The following HHAT variants were observed in gnomAD, a reference collection of about 807,000 sequenced individuals.
HHAT encodes the protein protein-cysteine N-palmitoyltransferase HHAT.
Under a neutral mutation model 70.8 loss-of-function variants are expected in HHAT, and 47 were observed. The ratio of observed to expected loss-of-function variants is 0.66; its 90% CI spans 0.53 to 0.85. The LOEUF (loss-of-function observed/expected upper bound fraction) is 0.85, where lower values mean the gene tolerates loss of function less well. HHAT is among the 40% of genes least tolerant of loss of function. The pLI is 0.00. For missense variants in HHAT, 609 were observed against 604.8 expected, an observed-to-expected ratio of 1.01 and a Z score of -0.07; for synonymous variants, 228 against 247.6, an observed-to-expected ratio of 0.92 and a Z score of 0.74.
At chr1:210,367,329 G>A (rs1571918106) in intron 3 of HHAT, among the ~76,000 whole-genome samples, 1 of 152,174 alleles carries the variant, frequency 6.6e-6, no homozygotes, top group South Asian at 2.1e-4. Flanking sequence ...TTTAACTGCA[G>A]GAAAGAGTGA....
intron 9 of HHAT, among the ~76,000 whole-genome samples, chr1:210,581,764 C>T (rs188340598): frequency 1.1e-4 from 16 of 152,308 alleles, no homozygotes; most frequent in African/African-American, 3.9e-4. Context: ...TGGTACAGGA[C>T]CTTATAATCA....
chr1:210,384,773 T>G (rs1371292003), intron 3 of HHAT, among the ~76,000 whole-genome samples: 1 of 152,232 alleles, frequency 6.6e-6, no homozygotes, highest in Non-Finnish European at 1.5e-5. Context: ...TTGTTCCTGA[T>G]TTCAGGCTTT....
Position 210,343,420 on chromosome 1 carries a change from A to G in HHAT, c.-43-5513A>G, listed in dbSNP as rs2086210218. Among the ~76,000 whole-genome samples, 6 of 152,224 alleles carry G rather than the reference A, an allele frequency of 3.9e-5. No individual in the cohort carries two copies. The South Asian group carries it at 1.2e-3, about 32-fold the overall frequency. On this transcript the variant is annotated intron_variant, in intron 1 of 11. Transcript: ENST00000261458. ...CCTAATGACTGTCTCAAGTAGTAAC[A>G]GTAGTGACTGTCGTAGTGACAGTCT...
intron 7 of HHAT, among the ~76,000 whole-genome samples, chr1:210,437,110 T>C (rs907301003): frequency 6.6e-6 from 1 of 151,860 alleles, no homozygotes; most frequent in Non-Finnish European, 1.5e-5. Context: ...GAGCACCATA[T>C]GGAGTTTGCT....
chr1:210,671,911 CTG>C (rs1455618911), intron 11 of HHAT, among the ~76,000 whole-genome samples: 3 of 152,196 alleles, frequency 2.0e-5, no homozygotes, highest in Non-Finnish European at 2.9e-5. Context: ...TGGGAGAACA[CTG>C]TGGAAAGCCA....
At chr1:210,343,615 C>A (rs546253162) in intron 1 of HHAT, among the ~76,000 whole-genome samples, 1 of 152,116 alleles carries the variant, frequency 6.6e-6, no homozygotes, top group South Asian at 2.1e-4. Flanking sequence ...GCCTGTCATT[C>A]CCTTGGGAGT....
At chr1:210,591,528 A>C (rs1312124061) in intron 10 of HHAT, among the ~76,000 whole-genome samples, 1 of 152,004 alleles carries the variant, frequency 6.6e-6, no homozygotes, top group Non-Finnish European at 1.5e-5. Context: ...ATATCTCCTT[A>C]ATTTACCGAT....
At chr1:210,645,594 C>T (rs868555876) in intron 11 of HHAT, among the ~76,000 whole-genome samples, 6 of 152,204 alleles carry the variant, frequency 3.9e-5, no homozygotes, top group Admixed American at 2.6e-4. Context: ...GTTGCTGCCA[C>T]CATCAAGCTA....
chr1:210,475,732 G>A lies in HHAT; in HGVS notation c.1007+11077G>A, dbSNP rs143045750. On this transcript the variant is annotated intron_variant, in intron 8 of 11. Coordinates refer to ENST00000261458, the MANE Select transcript of HHAT (RefSeq NM_018194.6). ...AAGCCTTGTGGCCCAGCCCTTGTAGGGCGAATGGCGTATTCTTTTTGTAAT... is the reference window on the plus strand; with the variant it reads ...AAGCCTTGTGGCCCAGCCCTTGTAGAGCGAATGGCGTATTCTTTTTGTAAT... Among the ~76,000 whole-genome samples, 18 of 152,224 alleles carry A rather than the reference G, an allele frequency of 1.2e-4. No individual in the cohort carries two copies. The East Asian group carries it at 3.5e-3, about 29-fold the overall frequency.
At chr1:210,604,816 C>T (rs1363762655) in intron 10 of HHAT, among the ~76,000 whole-genome samples, 1 of 152,046 alleles carries the variant, frequency 6.6e-6, no homozygotes, top group Non-Finnish European at 1.5e-5. Flanking sequence ...AGGAGTTCGA[C>T]ACCAGCCTGG....
intron 9 of HHAT, among the ~76,000 whole-genome samples, chr1:210,569,393 A>AAAAAAAAAAAAAAAAAAC (rs1655650983): frequency 6.8e-6 from 1 of 148,084 alleles, no homozygotes; most frequent in Non-Finnish European, 1.5e-5. Flanking sequence ...AAAAAAAAAA[A>AAAAAAAAAAAAAAAAAAC]AAAAAAGCGT....
chr1:210,538,983 A>G (rs1213099596), intron 9 of HHAT, among the ~76,000 whole-genome samples: 2 of 152,196 alleles, frequency 1.3e-5, no homozygotes, highest in Admixed American at 1.3e-4. Flanking sequence ...AGGCTGAGGC[A>G]GGAGAATTGC....
intron 10 of HHAT, among the ~76,000 whole-genome samples, chr1:210,608,219 G>T (rs1385349964): frequency 6.6e-6 from 1 of 152,140 alleles, no homozygotes; most frequent in East Asian, 1.9e-4. Context: ...TAGGATAGAG[G>T]AGTTGGCAAA....
At chr1:210,435,647 T>C (rs11588425) in intron 7 of HHAT, among the ~76,000 whole-genome samples, 32,299 of 151,802 alleles carry the variant, frequency 0.21, 3,780 homozygotes, top group South Asian at 0.27. Context: ...ATTTTTTTGA[T>C]AAAAGCCATC....
chr1:210,412,834 G>C (rs2092604702), intron 6 of HHAT, among the ~76,000 whole-genome samples: 1 of 152,218 alleles, frequency 6.6e-6, no homozygotes, highest in Non-Finnish European at 1.5e-5. Flanking sequence ...CTTTGTCTGG[G>C]CCCCATGGCT....
intron 11 of HHAT, among the ~76,000 whole-genome samples, chr1:210,662,948 G>A (rs926841535): frequency 1.3e-5 from 2 of 152,096 alleles, no homozygotes; most frequent in African/African-American, 4.8e-5. Flanking sequence ...TCCTAGCAAG[G>A]ATCTCTTGCT....
At chr1:210,444,343 G>C (rs1221037333) in intron 7 of HHAT, among the ~76,000 whole-genome samples, 1 of 140,508 alleles carries the variant, frequency 7.1e-6, no homozygotes, top group Non-Finnish European at 1.6e-5. Context: ...TTTGGTATCA[G>C]AATGATGCTG....
chr1:210,482,407 C>T (rs1309876682), intron 8 of HHAT, among the ~76,000 whole-genome samples: 1 of 152,188 alleles, frequency 6.6e-6, no homozygotes, highest in East Asian at 1.9e-4. Context: ...TTCTCTAACG[C>T]AATTTTGTAC....
chr1:210,588,000 C>G lies in HHAT; in HGVS notation c.1146C>G (p.Tyr382Ter). 1.2e-6 allele frequency: 2 copies of G among 1,614,070 alleles called. No homozygotes were observed. Among genetic ancestry groups the G allele is most frequent in the Non-Finnish European group, 1.7e-6 (2 of 1,180,014 alleles). The part of the protein sequence containing the change: ...FAFVSYWHGG[Y>*]DYLWCWAALN... ...TTGTGAGCTACTGGCATGGCGGCTA[C>G]GACTACCTCTGGTGCTGGGCAGCGC... is the stretch of plus-strand genomic sequence containing the variant. Residue 382 changes from tyrosine to a stop codon, truncating the protein, a stop_gained, in exon 10 of 12, where the codon TAC becomes TAG. Coordinates refer to ENST00000261458, the MANE Select transcript of HHAT (RefSeq NM_018194.6). LOFTEE classifies it high-confidence loss of function.
Sources: gnomAD v4.1 joint callset for allele counts (sites outside exome capture counted in the v4.1 genomes callset) on GRCh38, gnomAD v4.1.1 for gene constraint, MANE v1.5 for transcripts, NCBI Gene and HGNC (gene_info 2026-07-23, HGNC 2026-07-21) for gene names.